Variants in FKBP11 observed in about 807,000 individuals in gnomAD.
The protein encoded by FKBP11 is peptidyl-prolyl cis-trans isomerase FKBP11.
In FKBP11, 21 loss-of-function variants were observed where a neutral mutation model predicts 24.7. The ratio of observed to expected loss-of-function variants is 0.85; its 90% CI spans 0.60 to 1.23. FKBP11 has a LOEUF of 1.23. FKBP11 is among the 50% of genes most tolerant of loss of function. The pLI is 0.00. For synonymous variants in FKBP11, 106 were observed against 100.6 expected, an observed-to-expected ratio of 1.05 and a Z score of -0.32; for missense variants, 245 against 248.7, an observed-to-expected ratio of 0.99 and a Z score of 0.10.
upstream of FKBP11, chr12:48,931,351 TAGG>T (rs770298498): frequency 2.0e-4 from 283 of 1,384,204 alleles, no homozygotes; most frequent in Middle Eastern, 2.5e-3. Flanking sequence ...AGGAGTGGAG[TAGG>T]AGAAGGTGGT....
chr12:48,932,914 T>C, the FKBP11 span, among the ~76,000 whole-genome samples: 5 of 152,190 alleles, frequency 3.3e-5, no homozygotes, highest in Non-Finnish European at 7.3e-5. Flanking sequence ...TGGGTAGAAC[T>C]GGTCAGCCCT....
chr12:48,925,021 C>T (rs374942011), intron 2 of FKBP11, 25 bp downstream of exon 2: 5 of 1,590,176 alleles, frequency 3.1e-6, no homozygotes, highest in Admixed American at 1.7e-5. Flanking sequence ...TCCCAGGCCC[C>T]GCCCCGGCCC....
intron 2 of FKBP11, 29 bp from the exon 3 acceptor site, chr12:48,924,677 A>G (rs777169286): frequency 1.9e-6 from 3 of 1,604,566 alleles, no homozygotes; most frequent in Non-Finnish European, 2.6e-6. Flanking sequence ...AAGAGCATAC[A>G]TCTAGCACCC....
upstream of FKBP11, chr12:48,931,455 G>C: frequency 6.5e-7 from 1 of 1,536,064 alleles, no homozygotes; most frequent in South Asian, 1.2e-5. Context: ...CAGAGAAGGA[G>C]CTTTTTCCTT....
upstream of FKBP11, chr12:48,925,540 G>C (rs1429132588): frequency 1.5e-6 from 2 of 1,324,496 alleles, no homozygotes. Flanking sequence ...GGGGCGGGTC[G>C]CGATGCTAGA....
the FKBP11 span, among the ~76,000 whole-genome samples, chr12:48,934,629 A>T: frequency 6.6e-6 from 1 of 151,254 alleles, no homozygotes; most frequent in African/African-American, 2.4e-5. Flanking sequence ...GGGTCCAAAG[A>T]CCCCCCAGTG....
chr12:48,924,971 C>A, intron 2 of FKBP11, 75 bp downstream of exon 2: 1 of 1,529,866 alleles, frequency 6.5e-7, no homozygotes, highest in Non-Finnish European at 8.8e-7. Flanking sequence ...TGCCACGTGT[C>A]CAAGCCAAAG....
upstream of FKBP11, chr12:48,925,507 G>A (rs1319291643): frequency 1.3e-6 from 2 of 1,488,974 alleles, no homozygotes; most frequent in Non-Finnish European, 1.8e-6. Flanking sequence ...TTCCCGCGGC[G>A]CCCAGGCCAG....
chr12:48,925,127 A>G lies in FKBP11; in HGVS notation c.130-16T>C. On this transcript the variant is annotated splice_polypyrimidine_tract_variant and intron_variant, in intron 1 of 5. Transcript: ENST00000550765. ...GGGGCTCCACCTACGATCGGACTAC[A>G]GGGGTCACGGATGCTCTTCCAAAGA... 6.2e-7 allele frequency: 1 copy of G among 1,612,648 alleles called. No homozygotes were observed. Among genetic ancestry groups the G allele is most frequent in the Middle Eastern group, 1.7e-4 (1 of 6,050 alleles).
chr12:48,931,668 C>A, the FKBP11 span: 1 of 567,406 alleles, frequency 1.8e-6, no homozygotes, highest in Non-Finnish European at 3.1e-6. Context: ...ATGGGGCACC[C>A]ACCATGCCCA....
the FKBP11 span, among the ~76,000 whole-genome samples, chr12:48,935,570 G>A: frequency 1.3e-5 from 2 of 152,162 alleles, no homozygotes; most frequent in African/African-American, 4.8e-5. Flanking sequence ...GCGATGGGAG[G>A]ATGGAGGCTT....
chr12:48,938,099 G>T, the FKBP11 span: 1 of 305,806 alleles, frequency 3.3e-6, no homozygotes, highest in Non-Finnish European at 6.6e-6. Context: ...AAGAGTGAGT[G>T]GGTTCCTCTC....
At chr12:48,931,270 C>A, upstream of FKBP11, 1 of 632,132 alleles carries the variant, frequency 1.6e-6, no homozygotes, top group Non-Finnish European at 2.7e-6. Flanking sequence ...CAGACTCGAA[C>A]AGTGTGGTGA....
At chr12:48,931,160 G>C (rs1212582247), upstream of FKBP11, among the ~76,000 whole-genome samples, 2 of 77,212 alleles carry the variant, frequency 2.6e-5, no homozygotes, top group Admixed American at 1.7e-4. Context: ...AAAAAAAAAG[G>C]CTAGTTGTGA....
At chr12:48,923,215 T>G in intron 5 of FKBP11, 3 of 1,258,316 alleles carry the variant, frequency 2.4e-6, no homozygotes, top group East Asian at 3.9e-5. Flanking sequence ...TAATAGAACA[T>G]TTGTTAGAAC....
intron 1 of FKBP11, 49 bp downstream of exon 1, chr12:48,925,251 C>T (rs956211120): frequency 1.2e-6 from 2 of 1,601,730 alleles, no homozygotes; most frequent in South Asian, 1.1e-5. Context: ...GTATTACCAC[C>T]CAACAAGGCT....
upstream of FKBP11, among the ~76,000 whole-genome samples, chr12:48,926,730 T>A (rs957020222): frequency 2.0e-5 from 3 of 151,706 alleles, no homozygotes; most frequent in African/African-American, 7.3e-5. Context: ...CAACCTCAAG[T>A]GATCCACCCA....
intron 5 of FKBP11, chr12:48,923,009 G>A (rs772090140): frequency 4.3e-5 from 32 of 744,984 alleles, no homozygotes; most frequent in Admixed American, 2.3e-4. Context: ...TTAGCCGGTC[G>A]TGGTGGCGCA....
At chr12:48,934,877 T>TTACA in the FKBP11 span, among the ~76,000 whole-genome samples, 1 of 151,608 alleles carries the variant, frequency 6.6e-6, no homozygotes, top group Non-Finnish European at 1.5e-5. Flanking sequence ...CCGGGTGTGG[T>TTACA]GGCGCATGCC....
Sources: gnomAD v4.1 joint callset for allele counts (sites outside exome capture counted in the v4.1 genomes callset) on GRCh38, gnomAD v4.1.1 for gene constraint, MANE v1.5 for transcripts, NCBI Gene and HGNC (gene_info 2026-07-23, HGNC 2026-07-21) for gene names.